PXDNL: variants seen among roughly 807,000 people sequenced by gnomAD.
PXDNL encodes probable oxidoreductase PXDNL.
In PXDNL, 145 loss-of-function variants were observed where a neutral mutation model predicts 150.8. The ratio of observed to expected loss-of-function variants is 0.96; its 90% CI spans 0.84 to 1.10. PXDNL has a LOEUF of 1.10. Ranked by LOEUF, PXDNL falls within the 50% of genes least tolerant of loss-of-function variation. The pLI, the probability that PXDNL is intolerant of heterozygous loss-of-function variation, is 0.00. For synonymous variants in PXDNL, 757 were observed against 725.7 expected (o/e 1.04, Z -0.69); for missense variants, 2,087 against 1,873.9 (o/e 1.11, Z -2.10).
At chr8:51,332,091 C>A (rs893115513) in intron 21 of PXDNL, among the ~76,000 whole-genome samples, 1 of 152,186 alleles carries the variant, frequency 6.6e-6, no homozygotes. Context: ...CCTCTGCCAC[C>A]TCCACCAGAA....
At chr8:51,608,147 T>G (rs1381677289) in intron 2 of PXDNL, among the ~76,000 whole-genome samples, 1 of 147,710 alleles carries the variant, frequency 6.8e-6, no homozygotes, top group Non-Finnish European at 1.5e-5. Context: ...CCCAGCACTT[T>G]GGGAGGCCGA....
chr8:51,716,780 C>T (rs918555270), intron 1 of PXDNL, among the ~76,000 whole-genome samples: 2 of 152,220 alleles, frequency 1.3e-5, no homozygotes, highest in African/African-American at 4.8e-5. Context: ...GATTGCACCC[C>T]TAGCTCCTGT....
chr8:51,455,201 G>A (rs1809912284), intron 9 of PXDNL, among the ~76,000 whole-genome samples: 1 of 151,770 alleles, frequency 6.6e-6, no homozygotes, highest in African/African-American at 2.4e-5. Flanking sequence ...TAAGTCAGTG[G>A]CAGTAGAACT....
intron 3 of PXDNL, among the ~76,000 whole-genome samples, chr8:51,565,297 A>AATAT (rs1812796741): frequency 7.5e-6 from 1 of 133,206 alleles, no homozygotes; most frequent in African/African-American, 3.2e-5. Context: ...TAAATAAATA[A>AATAT]ATAAATAAAT....
chr8:51,678,357 C>A (rs866098946), intron 1 of PXDNL, among the ~76,000 whole-genome samples: 7 of 152,154 alleles, frequency 4.6e-5, no homozygotes, highest in African/African-American at 1.7e-4. Flanking sequence ...TAGTCCACAC[C>A]TATTTTTGTG....
rs779247315 is a variant in PXDNL, at chr8:51,354,161, T to C, written c.3902-8214A>G. On this transcript the variant is annotated intron_variant, in intron 19 of 22. Coordinates refer to ENST00000356297, the MANE Select transcript of PXDNL (RefSeq NM_144651.5). ...TGTTTACCAAATATTTTGCCTTTTA[T>C]GGGAACATATTTGAAACCAAATTTC... is the stretch of plus-strand genomic sequence containing the variant. Among the ~76,000 whole-genome samples, 33 of 152,156 alleles carry C rather than the reference T, an allele frequency of 2.2e-4. 1 individual carries two copies. Among genetic ancestry groups the C allele is most frequent in the Admixed American group, 1.8e-3 (28 of 15,278 alleles).
chr8:51,736,814 T>C (rs1392626478), intron 1 of PXDNL, among the ~76,000 whole-genome samples: 1 of 152,212 alleles, frequency 6.6e-6, no homozygotes, highest in African/African-American at 2.4e-5. Flanking sequence ...TGCTGAAATC[T>C]TAATTTTAAT....
At chr8:51,361,537 G>GTATAA (rs1806736863) in intron 19 of PXDNL, among the ~76,000 whole-genome samples, 1 of 152,172 alleles carries the variant, frequency 6.6e-6, no homozygotes, top group Non-Finnish European at 1.5e-5. Context: ...GCCTACATTT[G>GTATAA]CATGTATAAA....
rs374450209 is a variant in PXDNL, at chr8:51,364,078, C to T, written c.3901+7795G>A. ...TTTATTATGTCATTGAAAGGACTAT[C>T]CCCCTAATAACACAGTCTCATGTAT... On this transcript the variant is annotated intron_variant, in intron 19 of 22. Coordinates refer to ENST00000356297, the MANE Select transcript of PXDNL (RefSeq NM_144651.5). Among the ~76,000 whole-genome samples, 46 of 152,298 alleles carry T rather than the reference C, an allele frequency of 3.0e-4. No individual in the cohort carries two copies. The East Asian group carries it at 8.5e-3, about 28-fold the overall frequency.
At chr8:51,755,226 C>T (rs71513546) in intron 1 of PXDNL, among the ~76,000 whole-genome samples, 27,165 of 151,792 alleles carry the variant, frequency 0.18, 2,786 homozygotes, top group Non-Finnish European at 0.22. Flanking sequence ...GAGAAGCATA[C>T]CTTCATAATG....
At chr8:51,779,379 T>A (rs1286654869) in intron 1 of PXDNL, among the ~76,000 whole-genome samples, 1 of 152,120 alleles carries the variant, frequency 6.6e-6, no homozygotes, top group African/African-American at 2.4e-5. Flanking sequence ...AGAACTGCCA[T>A]CCAATCCAAA....
At chr8:51,445,612 C>T (rs1050388887) in intron 12 of PXDNL, among the ~76,000 whole-genome samples, 3 of 152,136 alleles carry the variant, frequency 2.0e-5, no homozygotes, top group Admixed American at 2.0e-4. Flanking sequence ...AGATTGAGAT[C>T]TAAAGCATCA....
intron 21 of PXDNL, among the ~76,000 whole-genome samples, chr8:51,330,184 G>T (rs1017649409): frequency 2.0e-5 from 3 of 152,116 alleles, no homozygotes; most frequent in African/African-American, 7.2e-5. Context: ...CACCCTCACA[G>T]AAACATGAAA....
intron 5 of PXDNL, among the ~76,000 whole-genome samples, chr8:51,499,105 A>C (rs1236001704): frequency 1.3e-5 from 2 of 152,108 alleles, no homozygotes; most frequent in Non-Finnish European, 2.9e-5. Context: ...ATGTTCAACT[A>C]TACTAGATTC....
intron 1 of PXDNL, among the ~76,000 whole-genome samples, chr8:51,671,805 A>G (rs1021669714): frequency 3.9e-5 from 6 of 152,054 alleles, no homozygotes; most frequent in African/African-American, 1.4e-4. Flanking sequence ...AACACTGCAC[A>G]CTCACTTTCT....
At chr8:51,785,367 T>A (rs920781250) in intron 1 of PXDNL, among the ~76,000 whole-genome samples, 1 of 152,210 alleles carries the variant, frequency 6.6e-6, no homozygotes, top group Non-Finnish European at 1.5e-5. Flanking sequence ...ATTCATACAA[T>A]GCACATTAGT....
At chr8:51,725,548 C>A (rs1318986381) in intron 1 of PXDNL, among the ~76,000 whole-genome samples, 2 of 152,220 alleles carry the variant, frequency 1.3e-5, no homozygotes, top group African/African-American at 4.8e-5. Flanking sequence ...TCAGAGTGTT[C>A]TCTTTCCTTC....
chr8:51,709,511 C>T (rs1217061571), intron 1 of PXDNL, among the ~76,000 whole-genome samples: 1 of 152,184 alleles, frequency 6.6e-6, no homozygotes, highest in Non-Finnish European at 1.5e-5. Context: ...ACCTCCGCCT[C>T]CCAAAGTGCT....
intron 20 of PXDNL, among the ~76,000 whole-genome samples, chr8:51,342,060 C>T (rs1369775901): frequency 6.6e-6 from 1 of 151,986 alleles, no homozygotes; most frequent in Non-Finnish European, 1.5e-5. Flanking sequence ...ATATAAGTGT[C>T]CATCAATGGA....
Sources: allele counts gnomAD v4.1 joint callset (sites outside exome capture counted in the v4.1 genomes callset), GRCh38; gene constraint gnomAD v4.1.1; transcripts MANE v1.5; gene names NCBI Gene and HGNC (gene_info 2026-07-23, HGNC 2026-07-21).